OSBP2: variants seen among roughly 807,000 people sequenced by gnomAD.
OSBP2 encodes the protein oxysterol binding protein 2.
Under a neutral mutation model 96.0 loss-of-function variants are expected in OSBP2, and 66 were observed. That is an observed-to-expected ratio of 0.69 (90% CI 0.56 to 0.84). OSBP2 has a LOEUF of 0.84. Ranked by LOEUF, OSBP2 falls within the 40% of genes least tolerant of loss-of-function variation. The pLI is 0.00. For missense variants in OSBP2, 1,038 were observed against 1,222.7 expected (o/e 0.85, Z 2.25); for synonymous variants, 525 against 520.9 (o/e 1.01, Z -0.11).
chr22:30,735,043 A>T (rs902339910), intron 1 of OSBP2, among the ~76,000 whole-genome samples: 1 of 152,142 alleles, frequency 6.6e-6, no homozygotes, highest in African/African-American at 2.4e-5. Flanking sequence ...ACAAAAAAAA[A>T]TTAGCTGGCA....
At chr22:30,905,134 CTTTTTTTTTTTTTTT>C (rs566334052) in intron 12 of OSBP2, among the ~76,000 whole-genome samples, 1 of 68,704 alleles carries the variant, frequency 1.5e-5, no homozygotes, top group Non-Finnish European at 2.7e-5. Flanking sequence ...CGAGACCCGT[CTTTTTTTTTTTTTTT>C]TTTTTTTTTT....
At chr22:30,766,653 G>A (rs971040314) in intron 2 of OSBP2, among the ~76,000 whole-genome samples, 17 of 152,232 alleles carry the variant, frequency 1.1e-4, no homozygotes, top group African/African-American at 3.6e-4. Flanking sequence ...TCTCTGCCCT[G>A]ACTCACACCT....
At chr22:30,762,037 A>G (rs952769860) in intron 2 of OSBP2, among the ~76,000 whole-genome samples, 2 of 149,654 alleles carry the variant, frequency 1.3e-5, no homozygotes, top group African/African-American at 4.9e-5. Flanking sequence ...CCTGGGCGAT[A>G]TGGCGAAACT....
At chr22:30,798,777 C>G (rs2090802439) in intron 2 of OSBP2, among the ~76,000 whole-genome samples, 1 of 152,142 alleles carries the variant, frequency 6.6e-6, no homozygotes, top group Non-Finnish European at 1.5e-5. Context: ...CTTTGGGAGG[C>G]CAAGGCAGGC....
At chr22:30,755,434 T>C (rs1273268535) in intron 2 of OSBP2, among the ~76,000 whole-genome samples, 5 of 152,212 alleles carry the variant, frequency 3.3e-5, no homozygotes, top group Admixed American at 1.3e-4. Context: ...TTATCCTTTA[T>C]TAGAAAAATT....
At position 30,866,439 on chromosome 22, in the gene OSBP2, A is replaced by ACAC. The variant is rs542160232; in HGVS notation, c.854-3990_854-3989insCAC. 3.3e-3 allele frequency among the ~76,000 whole-genome samples: 504 copies of ACAC among 152,300 alleles called. 3 individuals are homozygous for ACAC. The highest frequency in any genetic ancestry group is 9.4e-3 in the Admixed American group (144 of 15,300). On this transcript the variant is annotated intron_variant, in intron 2 of 13. Coordinates refer to ENST00000332585, the MANE Select transcript of OSBP2 (RefSeq NM_030758.4). ...GACTCCTGACTTCCAGAGCTGTAAG[A>ACAC]TAATAAATGTGTGTTCTGGGCCAGG...
intron 2 of OSBP2, among the ~76,000 whole-genome samples, chr22:30,853,090 C>T (rs916836960): frequency 6.6e-5 from 10 of 152,076 alleles, no homozygotes; most frequent in South Asian, 2.1e-4. Context: ...GTTCTGCCAT[C>T]GTAGGATGTA....
chr22:30,878,975 C>T (rs370444781), intron 3 of OSBP2, among the ~76,000 whole-genome samples: 2 of 152,172 alleles, frequency 1.3e-5, no homozygotes, highest in East Asian at 3.9e-4. Flanking sequence ...TAGCCAGGGG[C>T]TGCTGGGAAG....
At chr22:30,826,895 C>T (rs1417661358) in intron 2 of OSBP2, among the ~76,000 whole-genome samples, 1 of 152,212 alleles carries the variant, frequency 6.6e-6, no homozygotes, top group Non-Finnish European at 1.5e-5. Context: ...TTCCTGCCCC[C>T]ACCCTTTCCA....
At chr22:30,790,537 G>T (rs2090659238) in intron 2 of OSBP2, among the ~76,000 whole-genome samples, 2 of 151,844 alleles carry the variant, frequency 1.3e-5, no homozygotes, top group Admixed American at 1.3e-4. Flanking sequence ...ACATGTGGTT[G>T]CTCCAAGGCA....
At chr22:30,758,106 T>C (rs1010826784) in intron 2 of OSBP2, among the ~76,000 whole-genome samples, 2 of 152,116 alleles carry the variant, frequency 1.3e-5, no homozygotes, top group Admixed American at 6.6e-5. Context: ...TCTGCAGCTA[T>C]GAAACATGGA....
chr22:30,837,370 A>G (rs1057028544), intron 2 of OSBP2, among the ~76,000 whole-genome samples: 1 of 151,984 alleles, frequency 6.6e-6, no homozygotes, highest in Non-Finnish European at 1.5e-5. Context: ...CCAGGCAGTG[A>G]TGCAGAAGCA....
At chr22:30,817,645 C>T (rs950092644) in intron 2 of OSBP2, among the ~76,000 whole-genome samples, 9 of 152,128 alleles carry the variant, frequency 5.9e-5, no homozygotes, top group Non-Finnish European at 1.0e-4. Flanking sequence ...GTGAAAAGGG[C>T]TCTTGATGAG....
At chr22:30,842,260 C>T (rs940598689) in intron 2 of OSBP2, among the ~76,000 whole-genome samples, 3 of 152,162 alleles carry the variant, frequency 2.0e-5, no homozygotes, top group African/African-American at 4.8e-5. Flanking sequence ...AATGAACCAT[C>T]GCACTTCAGT....
In OSBP2 at chr22:30,889,550, A is replaced by G; in HGVS notation, c.1537A>G (p.Ile513Val). ...GSSKVKRRVR[I>V]PNKPNYSLNL... ...ATCCAAAGTCAAGAGGCGAGTCCGCATTCCCAACAAGCCCAACTACAGCCT... is the reference window on the plus strand; with the variant it reads ...ATCCAAAGTCAAGAGGCGAGTCCGCGTTCCCAACAAGCCCAACTACAGCCT... Residue 513 changes from isoleucine (I) to valine (V), a missense_variant, in exon 7 of 14, where the codon ATT becomes GTT. By Grantham distance (29) the Ile-to-Val change is conservative. Around this residue, in one of 3 missense-constraint regions of OSBP2, gnomAD observed 737 missense variants for 913.3 expected, o/e 0.81. Coordinates refer to ENST00000332585, the MANE Select transcript of OSBP2 (RefSeq NM_030758.4). 6.2e-7 allele frequency: 1 copy of G among 1,614,112 alleles called. No individual in the cohort carries two copies. The highest frequency in any genetic ancestry group is 1.1e-5 in the South Asian group (1 of 91,078).
In OSBP2 at chr22:30,791,321, C is replaced by CTTTT. The variant is rs869143598; in HGVS notation, c.853+49974_853+49977dup. Among the ~76,000 whole-genome samples the CTTTT allele has an allele frequency of 2.9e-3, 188 of 64,008 alleles. 1 individual carries two copies. The highest frequency in any genetic ancestry group is 3.6e-3 in the African/African-American group (49 of 13,538). 42.0% of individuals were successfully genotyped at this position (64,008 alleles called of 152,430 possible). Reference sequence around the variant, plus strand: ...GGAGCTTATATATTGGGGGATTCTTCTTTTTTTTTTTTTTTTTTTTTTTTT... The same window carrying CTTTT: ...GGAGCTTATATATTGGGGGATTCTTCTTTTTTTTTTTTTTTTTTTTTTTTTTTTT... On this transcript the variant is annotated intron_variant, in intron 2 of 13. Coordinates refer to ENST00000332585, the MANE Select transcript of OSBP2 (RefSeq NM_030758.4).
At chr22:30,861,747 G>A (rs971924783) in intron 2 of OSBP2, among the ~76,000 whole-genome samples, 2 of 152,176 alleles carry the variant, frequency 1.3e-5, no homozygotes, top group Admixed American at 6.5e-5. Context: ...GGGTAAGGCA[G>A]ATCTGTTATC....
At chr22:30,724,455 A>G (rs1194214224) in intron 1 of OSBP2, among the ~76,000 whole-genome samples, 1 of 152,144 alleles carries the variant, frequency 6.6e-6, no homozygotes. Context: ...TCCTGACCTT[A>G]GGTGATCCAC....
Position 30,695,282 on chromosome 22 carries a change from G to C in OSBP2, c.373G>C (p.Glu125Gln). ...TGGGCCCTTCACTAAGGCCGCATCGGAGCCGCTCTCCCGGGCGGTGGGGAG... is the reference window on the plus strand; with the variant it reads ...TGGGCCCTTCACTAAGGCCGCATCGCAGCCGCTCTCCCGGGCGGTGGGGAG... ...GAGPFTKAAS[E>Q]PLSRAVGSAT... The change falls in exon 1 of 14, where the codon GAG becomes CAG. Residue 125 changes from glutamate (E) to glutamine (Q), a missense_variant. Transcript: ENST00000332585. The C allele has an allele frequency of 6.2e-7, 1 of 1,613,462 alleles. No homozygotes were observed. Among genetic ancestry groups the C allele is most frequent in the East Asian group, 2.2e-5 (1 of 44,878 alleles).
Sources: gnomAD v4.1 joint callset for allele counts (sites outside exome capture counted in the v4.1 genomes callset) on GRCh38, gnomAD v4.1.1 for gene constraint, gnomAD v4.1.1 regional missense constraint, MANE v1.5 for transcripts, NCBI Gene and HGNC (gene_info 2026-07-23, HGNC 2026-07-21) for gene names.